The following EP300 variants were observed in gnomAD, a reference collection of about 807,000 sequenced individuals.
The protein encoded by EP300 is EP300 lysine acetyltransferase.
Under a neutral mutation model 264.0 loss-of-function variants are expected in EP300, and 31 were observed. The observed-to-expected ratio is 0.12, with a 90% CI of 0.09 to 0.16. The LOEUF is 0.16. Ranked by LOEUF, EP300 falls within the 10% of genes least tolerant of loss-of-function variation. The probability of loss-of-function intolerance (pLI) is 1.00; values close to 1 mark genes in which losing one functional copy is unlikely to be tolerated. For missense variants in EP300, 2,766 were observed against 3,052.9 expected (o/e 0.91, Z 2.21); for synonymous variants, 1,340 against 1,045.4 (o/e 1.28, Z -5.44).
At chr22:41,152,168 A>G (rs2145740433) in intron 15 of EP300, 38 bp from the exon 16 acceptor site, 1 of 1,606,500 alleles carries the variant, frequency 6.2e-7, no homozygotes, top group South Asian at 1.1e-5. Flanking sequence ...CCAACTAGAT[A>G]TCTTTGGAAT....
At chr22:41,096,985 C>T (rs1165313911) in intron 1 of EP300, among the ~76,000 whole-genome samples, 1 of 152,140 alleles carries the variant, frequency 6.6e-6, no homozygotes, top group Non-Finnish European at 1.5e-5. Context: ...ACATTTTGAT[C>T]AAGACCATTT....
intron 13 of EP300, 88 bp downstream of exon 13, chr22:41,149,263 TAGTG>T (rs1360555042): frequency 1.4e-6 from 2 of 1,479,292 alleles, no homozygotes; most frequent in African/African-American, 1.4e-5. Flanking sequence ...TGGCAGCAAA[TAGTG>T]GGTGAAAACA....
rs538437271 is a variant in EP300, at chr22:41,105,095, G to C, written c.94+11997G>C. Among the ~76,000 whole-genome samples, 729 of 151,480 alleles carry C rather than the reference G, an allele frequency of 4.8e-3. 4 individuals carry two copies. Among genetic ancestry groups the C allele is most frequent in the Middle Eastern group, 0.01 (3 of 292 alleles). ...GCCTGTAGTCCCAGCTACTCAGGAGGCTGAGGCAGGAGAATGGCGTGAACC... is the reference window on the plus strand; with the variant it reads ...GCCTGTAGTCCCAGCTACTCAGGAGCCTGAGGCAGGAGAATGGCGTGAACC... On this transcript the variant is annotated intron_variant, in intron 1 of 30. Transcript: ENST00000263253.
intron 10 of EP300, among the ~76,000 whole-genome samples, chr22:41,142,834 C>T (rs895500369): frequency 2.0e-5 from 3 of 151,688 alleles, no homozygotes; most frequent in East Asian, 1.9e-4. Flanking sequence ...TGCAGTGAGC[C>T]GAGATTGTGC....
chr22:41,159,213 C>T (rs9611508), intron 19 of EP300: 1 of 152,334 alleles, frequency 6.6e-6, no homozygotes, highest in Non-Finnish European at 1.5e-5. Context: ...ATTTGGGGCT[C>T]TGATACAATA....
At position 41,167,814 on chromosome 22, in the gene EP300, G is replaced by GGTTTTTTTTTTTTTTTTT. The variant is rs71328778; in HGVS notation, c.3875-635_3875-634insGTTTTTTTTTTTTTTTTT. ...CATTGTTCTATTTCTGTTTGTTTTT[G>GGTTTTTTTTTTTTTTTTT]TTTTTTTTTTTGTTTTTTTTTTTTT... On this transcript the variant is annotated intron_variant, in intron 23 of 30. Coordinates refer to ENST00000263253, the MANE Select transcript of EP300 (RefSeq NM_001429.4). Among the ~76,000 whole-genome samples the GGTTTTTTTTTTTTTTTTT allele has an allele frequency of 2.0e-4, 13 of 66,226 alleles. 1 individual carries two copies. The highest frequency in any genetic ancestry group is 2.6e-4 in the African/African-American group (4 of 15,656). The allele number at this position is 66,226 out of a possible 152,430, so 43.4% of individuals were successfully genotyped here.
chr22:41,125,996 G>A lies in EP300; in HGVS notation c.862G>A (p.Ala288Thr), dbSNP rs2145707957. 3 of 1,614,162 alleles carry A rather than the reference G, an allele frequency of 1.9e-6. No homozygotes were observed. The South Asian group carries it at 3.3e-5, about 18-fold the overall frequency. ...TVLSNNLSPFAMDKKAVPGGG... is the reference protein window; with the variant it reads ...TVLSNNLSPFTMDKKAVPGGG... The stretch of plus-strand genomic sequence containing the variant: ...ACTATCAAATAACTTATCTCCATTT[G>A]CTATGGACAAAAAGGCAGTTCCTGG... The change falls in exon 3 of 31, where the codon GCT (alanine) becomes ACT (threonine). Residue 288 changes from alanine to threonine, a missense_variant. Ala to Thr is a moderately conservative substitution (Grantham distance 58, BLOSUM62 0). Transcript: ENST00000263253.
intron 1 of EP300, among the ~76,000 whole-genome samples, chr22:41,097,701 T>G (rs142494369): frequency 6.6e-6 from 1 of 152,352 alleles, no homozygotes; most frequent in Non-Finnish European, 1.5e-5. Context: ...TTTCCTTCTT[T>G]GAAGATTTCT....
At chr22:41,164,219 A>G in intron 22 of EP300, 89 bp downstream of exon 22, 1 of 1,168,982 alleles carries the variant, frequency 8.6e-7, no homozygotes, top group South Asian at 1.2e-5. Flanking sequence ...ACTGTATTAT[A>G]TCTTCAAAGT....
chr22:41,131,094 T>A (rs933358506), intron 5 of EP300, among the ~76,000 whole-genome samples: 2 of 152,224 alleles, frequency 1.3e-5, no homozygotes, highest in South Asian at 2.1e-4. Flanking sequence ...CTGCCGGGTG[T>A]TGGCAGTTGA....
At chr22:41,109,029 C>T (rs538575508) in intron 1 of EP300, among the ~76,000 whole-genome samples, 1 of 152,258 alleles carries the variant, frequency 6.6e-6, no homozygotes, top group East Asian at 1.9e-4. Context: ...AATCCCAGCA[C>T]TTTGGGAGGC....
At chr22:41,175,481 G>GT (rs1326816990) in intron 29 of EP300, among the ~76,000 whole-genome samples, 1 of 152,182 alleles carries the variant, frequency 6.6e-6, no homozygotes, top group Non-Finnish European at 1.5e-5. Context: ...ATTGATGGTT[G>GT]TTACAAGTTT....
intron 26 of EP300, 35 bp downstream of exon 26, chr22:41,169,651 A>G (rs375249710): frequency 8.8e-5 from 108 of 1,226,786 alleles, no homozygotes; most frequent in Non-Finnish European, 1.2e-4. Flanking sequence ...TTTTTCTTTA[A>G]CTAGCATGGC....
chr22:41,109,514 C>T (rs2058776936), intron 1 of EP300, among the ~76,000 whole-genome samples: 1 of 152,112 alleles, frequency 6.6e-6, no homozygotes, highest in Non-Finnish European at 1.5e-5. Context: ...TAAATGTATG[C>T]TGTCATCATT....
At chr22:41,155,217 T>A in intron 17 of EP300, 104 bp downstream of exon 17, 1 of 989,500 alleles carries the variant, frequency 1.0e-6, no homozygotes, top group Non-Finnish European at 1.6e-6. Flanking sequence ...TTCAAATTTG[T>A]AATTCAGTGA....
intron 28 of EP300, among the ~76,000 whole-genome samples, chr22:41,173,139 G>A (rs930926231): frequency 4.6e-5 from 7 of 152,100 alleles, no homozygotes; most frequent in African/African-American, 1.4e-4. Context: ...AGCATATCTC[G>A]AATTACCTCC....
intron 14 of EP300, among the ~76,000 whole-genome samples, chr22:41,151,606 T>TTCTTTGATG (rs2059045893): frequency 6.6e-6 from 1 of 152,194 alleles, no homozygotes; most frequent in South Asian, 2.1e-4. Flanking sequence ...TAGTTGCTGG[T>TTCTTTGATG]TCTTTGATGT....
chr22:41,113,159 C>CCCCG (rs1320222136), intron 1 of EP300, among the ~76,000 whole-genome samples: 2 of 128,502 alleles, frequency 1.6e-5, no homozygotes, highest in Non-Finnish European at 3.3e-5. Flanking sequence ...AGGATTCCAC[C>CCCCG]CCCCCCCCAA....
At chr22:41,115,237 G>A (rs2058814394) in intron 1 of EP300, among the ~76,000 whole-genome samples, 1 of 152,202 alleles carries the variant, frequency 6.6e-6, no homozygotes, top group South Asian at 2.1e-4. Flanking sequence ...GTTTGGTGAT[G>A]TCTGGAGACA....
Sources: gnomAD v4.1 joint callset for allele counts (sites outside exome capture counted in the v4.1 genomes callset) on GRCh38, gnomAD v4.1.1 for gene constraint, MANE v1.5 for transcripts, NCBI Gene and HGNC (gene_info 2026-07-23, HGNC 2026-07-21) for gene names.